The following MIPOL1 variants were observed in gnomAD, a reference collection of about 807,000 sequenced individuals.
The protein encoded by MIPOL1 is mirror-image polydactyly gene 1 protein.
MIPOL1 carries 57 observed loss-of-function variants against 60.9 expected under a neutral mutation model. The observed-to-expected ratio is 0.94, with a 90% CI of 0.76 to 1.17. The LOEUF is 1.17. Among genes scored for constraint, MIPOL1 ranks in the 50% most tolerant of loss-of-function variants. MIPOL1 has a pLI of 0.00. For missense variants in MIPOL1, 551 were observed against 511.6 expected, an observed-to-expected ratio of 1.08 and a Z score of -0.74; for synonymous variants, 179 against 168.8, an observed-to-expected ratio of 1.06 and a Z score of -0.47.
At chr14:37,210,833 G>T (rs1966784350) in intron 1 of MIPOL1, among the ~76,000 whole-genome samples, 2 of 152,170 alleles carry the variant, frequency 1.3e-5, no homozygotes, top group Admixed American at 1.3e-4. Context: ...CATTGTAGCA[G>T]AATTTAGGTC....
intron 11 of MIPOL1, among the ~76,000 whole-genome samples, chr14:37,474,503 CTT>C (rs2094738747): frequency 2.6e-5 from 4 of 152,178 alleles, no homozygotes; most frequent in Admixed American, 2.6e-4. Flanking sequence ...TACATAGTCT[CTT>C]GTCTGCCACC....
intron 10 of MIPOL1, among the ~76,000 whole-genome samples, chr14:37,403,897 G>GT (rs1406995503): frequency 6.6e-6 from 1 of 152,150 alleles, no homozygotes; most frequent in Non-Finnish European, 1.5e-5. Flanking sequence ...GAAAGGCAGT[G>GT]TCTTTAAGTG....
At chr14:37,387,293 T>A (rs914128022) in intron 10 of MIPOL1, among the ~76,000 whole-genome samples, 2 of 151,836 alleles carry the variant, frequency 1.3e-5, no homozygotes, top group East Asian at 1.9e-4. Context: ...TAAAAATAAC[T>A]ATAATATATT....
intron 7 of MIPOL1, among the ~76,000 whole-genome samples, chr14:37,295,328 C>T (rs927242297): frequency 3.3e-5 from 5 of 152,118 alleles, no homozygotes; most frequent in African/African-American, 7.2e-5. Context: ...AAGGAACAAC[C>T]GGTACCAGCC....
intron 9 of MIPOL1, 44 bp from the exon 10 acceptor site, chr14:37,369,473 A>G: frequency 7.0e-7 from 1 of 1,425,480 alleles, no homozygotes; most frequent in Non-Finnish European, 9.8e-7. Flanking sequence ...GTGAAAAAAA[A>G]TGCTATAACT....
At chr14:37,244,152 ACT>A (rs373571863) in intron 1 of MIPOL1, among the ~76,000 whole-genome samples, 6 of 99,946 alleles carry the variant, frequency 6.0e-5, no homozygotes, top group African/African-American at 2.0e-4. Context: ...ACAGGGTCTC[ACT>A]CTGTCACCAG....
At position 37,247,869 on chromosome 14, in the gene MIPOL1, A is replaced by C; in HGVS notation, c.-20A>C. 1 of 1,613,022 alleles carries C rather than the reference A, an allele frequency of 6.2e-7. No homozygotes were observed. Among genetic ancestry groups the C allele is most frequent in the Non-Finnish European group, 8.5e-7 (1 of 1,179,358 alleles). ...CAAAAACCAGAGACATTGCCAGAGC[A>C]AACAAGAACAGAAATACAAATGGAG... On this transcript the variant is annotated 5_prime_UTR_variant, in exon 3 of 13. Coordinates refer to ENST00000684589, the MANE Select transcript of MIPOL1 (RefSeq NM_001388067.1).
At chr14:37,423,598 G>A (rs1208222123) in intron 11 of MIPOL1, 1 of 151,920 alleles carries the variant, frequency 6.6e-6, no homozygotes, top group Non-Finnish European at 1.5e-5. Flanking sequence ...GTGGATCATG[G>A]TAGAAAACAT....
chr14:37,268,942 G>C, intron 5 of MIPOL1, 149 bp downstream of exon 5: 1 of 582,908 alleles, frequency 1.7e-6, no homozygotes. Context: ...TGCCATCAGG[G>C]TATGGTTGAG....
chr14:37,264,044 A>G (rs950922624), intron 3 of MIPOL1, among the ~76,000 whole-genome samples: 4 of 152,158 alleles, frequency 2.6e-5, no homozygotes, highest in African/African-American at 9.7e-5. Context: ...GGCAATACAA[A>G]TAAGCTCAGC....
chr14:37,283,950 G>A (rs1241250211), intron 6 of MIPOL1, among the ~76,000 whole-genome samples: 3 of 152,002 alleles, frequency 2.0e-5, no homozygotes, highest in African/African-American at 2.4e-5. Context: ...CTTACTGGAC[G>A]GATATTCTGT....
chr14:37,481,130 G>A (rs1394563334), intron 11 of MIPOL1, among the ~76,000 whole-genome samples: 4 of 152,092 alleles, frequency 2.6e-5, no homozygotes, highest in African/African-American at 9.7e-5. Flanking sequence ...GGCAGACAAA[G>A]ATCCTCTAAA....
At chr14:37,291,291 G>C (rs1440785298) in intron 7 of MIPOL1, among the ~76,000 whole-genome samples, 1 of 152,058 alleles carries the variant, frequency 6.6e-6, no homozygotes, top group Non-Finnish European at 1.5e-5. Context: ...ACTTATATGG[G>C]ACATTTTTGT....
intron 11 of MIPOL1, among the ~76,000 whole-genome samples, chr14:37,495,117 C>T (rs201528410): frequency 7.1e-5 from 10 of 140,218 alleles, no homozygotes; most frequent in South Asian, 2.3e-4. Context: ...GGTAATTTTT[C>T]TTTTTTTTTT....
At chr14:37,479,825 ATAAT>A (rs2153597710) in intron 11 of MIPOL1, among the ~76,000 whole-genome samples, 1 of 152,248 alleles carries the variant, frequency 6.6e-6, no homozygotes, top group East Asian at 1.9e-4. Context: ...GAAGACTCAA[ATAAT>A]TAAAAATCAG....
intron 9 of MIPOL1, among the ~76,000 whole-genome samples, chr14:37,357,018 C>G (rs955525553): frequency 1.3e-5 from 2 of 152,144 alleles, no homozygotes; most frequent in Non-Finnish European, 2.9e-5. Context: ...CTGTTGAACA[C>G]TTAGGGTGCT....
chr14:37,453,700 G>A (rs2094447505), intron 11 of MIPOL1, among the ~76,000 whole-genome samples: 2 of 151,964 alleles, frequency 1.3e-5, no homozygotes, highest in South Asian at 4.1e-4. Context: ...TACACATTTG[G>A]AATTAAACCT....
intron 10 of MIPOL1, among the ~76,000 whole-genome samples, chr14:37,398,683 C>T (rs998152217): frequency 6.6e-6 from 1 of 152,154 alleles, no homozygotes; most frequent in Non-Finnish European, 1.5e-5. Flanking sequence ...ATGAAAACCA[C>T]AATATCACAG....
At chr14:37,369,416 C>T (rs1230131760) in intron 9 of MIPOL1, 101 bp from the exon 10 acceptor site, 4 of 654,808 alleles carry the variant, frequency 6.1e-6, no homozygotes, top group South Asian at 5.2e-5. Flanking sequence ...AAAACCTTGT[C>T]TTTTAGAGAA....
Sources: allele counts gnomAD v4.1 joint callset (sites outside exome capture counted in the v4.1 genomes callset), GRCh38; gene constraint gnomAD v4.1.1; transcripts MANE v1.5; gene names NCBI Gene and HGNC (gene_info 2026-07-23, HGNC 2026-07-21).